Variants in SLC4A5 observed in about 807,000 individuals in gnomAD.
The protein encoded by SLC4A5 is electrogenic sodium bicarbonate cotransporter 4.
A neutral mutation model predicts 120.4 loss-of-function variants in SLC4A5; 96 were observed. The observed-to-expected ratio is 0.80, with a 90% CI of 0.68 to 0.94. SLC4A5 has a LOEUF of 0.94. Ranked by LOEUF, SLC4A5 falls within the 40% of genes least tolerant of loss-of-function variation. SLC4A5 has a pLI of 0.00. For missense variants in SLC4A5, 1,259 were observed against 1,459.5 expected, an observed-to-expected ratio of 0.86 and a Z score of 2.24; for synonymous variants, 550 against 571.1, an observed-to-expected ratio of 0.96 and a Z score of 0.53.
intron 8 of SLC4A5, among the ~76,000 whole-genome samples, chr2:74,284,644 T>G (rs536989020): frequency 6.6e-6 from 1 of 152,154 alleles, no homozygotes; most frequent in Non-Finnish European, 1.5e-5. Context: ...CCTCTTACCA[T>G]AGCCTTCCTT....
At chr2:74,291,066 A>G (rs1318849730) in intron 7 of SLC4A5, among the ~76,000 whole-genome samples, 2 of 152,138 alleles carry the variant, frequency 1.3e-5, no homozygotes, top group Non-Finnish European at 2.9e-5. Flanking sequence ...GGGGTCTCAC[A>G]CTGACCAAGC....
chr2:74,223,748 G>C (rs1042732871), intron 28 of SLC4A5, among the ~76,000 whole-genome samples: 2 of 152,158 alleles, frequency 1.3e-5, no homozygotes, highest in African/African-American at 4.8e-5. Flanking sequence ...CTGTTTCTTT[G>C]TTTTCAGAAC....
At chr2:74,326,237 C>T (rs73948763) in intron 5 of SLC4A5, among the ~76,000 whole-genome samples, 46 of 152,332 alleles carry the variant, frequency 3.0e-4, no homozygotes, top group African/African-American at 1.1e-3. Context: ...GTACAATCAT[C>T]CACTACAATA....
intron 3 of SLC4A5, among the ~76,000 whole-genome samples, chr2:74,338,022 G>A (rs115236246): frequency 1.1e-4 from 16 of 152,348 alleles, no homozygotes; most frequent in Non-Finnish European, 2.1e-4. Context: ...ACCTCAGCTG[G>A]ATGGGAAAGG....
At chr2:74,248,273 G>C (rs1376832608) in intron 18 of SLC4A5, 80 bp downstream of exon 18, 5 of 1,546,790 alleles carry the variant, frequency 3.2e-6, no homozygotes, top group African/African-American at 1.4e-5. Flanking sequence ...CCTACCCTTG[G>C]GACCTATTCC....
Position 74,255,867 on chromosome 2 carries a change from C to G in SLC4A5, c.933G>C (p.Glu311Asp), listed in dbSNP as rs1031753701. 1.9e-6 allele frequency: 3 copies of G among 1,614,186 alleles called. No homozygotes were observed. The highest frequency in any genetic ancestry group is 2.7e-5 in the African/African-American group (2 of 75,046). ...TGAATGGCTGGTCTAGGAAGTCCAC[C>G]TCGCCCACGAGCACGTTGGACGCTT... The change falls in exon 13 of 31, where the codon GAG becomes GAC. Residue 311 changes from glutamate to aspartate, a missense_variant. Glu to Asp is a conservative substitution (Grantham distance 45, BLOSUM62 2). Coordinates refer to ENST00000394019, the Ensembl canonical transcript of SLC4A5. This position sits in a 1 kb window ranked among gnomAD's most constrained non-coding sequence, Gnocchi z 4.0.
chr2:74,318,462 G>A (rs1249228478), intron 5 of SLC4A5, among the ~76,000 whole-genome samples: 1 of 152,116 alleles, frequency 6.6e-6, no homozygotes, highest in African/African-American at 2.4e-5. Flanking sequence ...AGGTGGGGGG[G>A]ATGGCCTGAG....
intron 7 of SLC4A5, among the ~76,000 whole-genome samples, chr2:74,286,818 C>T (rs1244208417): frequency 6.6e-6 from 1 of 152,194 alleles, no homozygotes; most frequent in African/African-American, 2.4e-5. Flanking sequence ...AGCCACTCTG[C>T]AGATCTGGAG....
chr2:74,263,351 G>T (rs185877464), intron 10 of SLC4A5, among the ~76,000 whole-genome samples: 1 of 152,326 alleles, frequency 6.6e-6, no homozygotes, highest in African/African-American at 2.4e-5. Context: ...CTCTCAAAGT[G>T]CTGGGATTAC....
At chr2:74,227,986 T>C (rs1694911209) in intron 25 of SLC4A5, 108 bp from the exon 26 acceptor site, 2 of 746,276 alleles carry the variant, frequency 2.7e-6, no homozygotes, top group Non-Finnish European at 4.3e-6. Context: ...GGAAACTGGA[T>C]ATTTGGGGGA....
intron 5 of SLC4A5, among the ~76,000 whole-genome samples, chr2:74,316,321 TAAAAAAAAAAAAA>T (rs60481743): frequency 1.2e-4 from 6 of 51,170 alleles, no homozygotes; most frequent in East Asian, 7.3e-4. Flanking sequence ...AAAAGAGTTG[TAAAAAAAAAAAAA>T]AAAAAAAAAA....
chr2:74,336,699 G>T (rs1673499634), intron 3 of SLC4A5, among the ~76,000 whole-genome samples: 1 of 152,090 alleles, frequency 6.6e-6, no homozygotes, highest in Non-Finnish European at 1.5e-5. Context: ...ATGGGAATAG[G>T]GAGTCTTGCC....
chr2:74,222,931 C>T (rs36081793), exon 29 of SLC4A5: 45,464 of 1,611,980 alleles, frequency 0.028, 779 homozygotes, highest in Non-Finnish European at 0.032. Context: ...ATCTTTATAA[C>T]CGAGGGAGGA....
At chr2:74,281,184 ATG>A (rs1173231712) in intron 8 of SLC4A5, among the ~76,000 whole-genome samples, 1 of 152,188 alleles carries the variant, frequency 6.6e-6, no homozygotes, top group Non-Finnish European at 1.5e-5. Flanking sequence ...TTCTCAGAGC[ATG>A]TGTCTCATAA....
rs2103966673 is a variant in SLC4A5, at chr2:74,245,555, C to G, written c.2059+1481G>C. Among the ~76,000 whole-genome samples the G allele has an allele frequency of 1.3e-5, 2 of 152,232 alleles. 1 individual carries two copies. The highest frequency in any genetic ancestry group is 3.9e-4 in the East Asian group (2 of 5,170). ...GCAGGTAGGATCCCCTCTGGGCAAG[C>G]AACATGCCTTGGCTCAGAACAAAGG... On this transcript the variant is annotated intron_variant, in intron 19 of 30. Transcript: ENST00000394019.
intron 18 of SLC4A5, 89 bp downstream of exon 18, chr2:74,248,264 C>G (rs1413672628): frequency 6.6e-7 from 1 of 1,523,252 alleles, no homozygotes; most frequent in South Asian, 1.3e-5. Flanking sequence ...GCACCACCAC[C>G]TACCCTTGGG....
chr2:74,250,488 T>C (rs767051001), exon 17 of SLC4A5: 19 of 1,614,218 alleles, frequency 1.2e-5, no homozygotes, highest in African/African-American at 2.7e-5. Flanking sequence ...CAACTTCCTC[T>C]TGATATCCAG....
chr2:74,276,579 T>G (rs1008232104), intron 8 of SLC4A5, among the ~76,000 whole-genome samples: 1 of 148,552 alleles, frequency 6.7e-6, no homozygotes, highest in Non-Finnish European at 1.5e-5. Flanking sequence ...CCACCTATAC[T>G]CTCATAGGCA....
At chr2:74,276,512 G>A (rs1396236970) in intron 8 of SLC4A5, among the ~76,000 whole-genome samples, 1 of 152,204 alleles carries the variant, frequency 6.6e-6, no homozygotes, top group Non-Finnish European at 1.5e-5. Context: ...GGACAGAGAT[G>A]GGGTGTGGTC....
Sources: gnomAD v4.1 joint callset for allele counts (sites outside exome capture counted in the v4.1 genomes callset) on GRCh38, gnomAD v4.1.1 for gene constraint, Gnocchi (gnomAD v3.1) non-coding constraint, MANE v1.5 for transcripts, NCBI Gene and HGNC (gene_info 2026-07-23, HGNC 2026-07-21) for gene names.